The following TRIP12 variants were observed in gnomAD, a reference collection of about 807,000 sequenced individuals.
The protein encoded by TRIP12 is thyroid hormone receptor interactor 12, also known as E3 ubiquitin-protein ligase TRIP12.
In TRIP12, 25 loss-of-function variants were observed where a neutral mutation model predicts 244.2. That is an observed-to-expected ratio of 0.10 (90% confidence interval 0.07 to 0.14). The LOEUF (loss-of-function observed/expected upper bound fraction) is 0.14. TRIP12 is among the 10% of genes least tolerant of loss of function. The pLI, the probability that TRIP12 is intolerant of heterozygous loss-of-function variation, is 1.00. For missense variants in TRIP12, 1,677 were observed against 2,486.4 expected, an observed-to-expected ratio of 0.67 and a Z score of 6.92; for synonymous variants, 905 against 873.1, an observed-to-expected ratio of 1.04 and a Z score of -0.64.
chr2:229,908,605 G>A (rs1030440838), intron 1 of TRIP12, among the ~76,000 whole-genome samples: 3 of 151,914 alleles, frequency 2.0e-5, no homozygotes, highest in East Asian at 1.9e-4. Flanking sequence ...GGTGGCGGGC[G>A]CCTGTAGTCC....
At chr2:229,892,463 A>G (rs995396996) in intron 1 of TRIP12, among the ~76,000 whole-genome samples, 1 of 152,218 alleles carries the variant, frequency 6.6e-6, no homozygotes, top group African/African-American at 2.4e-5. Context: ...AAGTCATGTT[A>G]TCTTGGAAAA....
intron 1 of TRIP12, among the ~76,000 whole-genome samples, chr2:229,908,732 CA>C (rs957949918): frequency 1.6e-3 from 201 of 127,548 alleles, no homozygotes; most frequent in East Asian, 2.7e-3. Flanking sequence ...GACTCCGTCT[CA>C]AAAAAAAAAA....
chr2:229,885,589 T>C (rs536843986), intron 1 of TRIP12, among the ~76,000 whole-genome samples: 2 of 152,254 alleles, frequency 1.3e-5, no homozygotes, highest in Non-Finnish European at 2.9e-5. Flanking sequence ...GGGCAGCATA[T>C]ATTAAACCAC....
intron 8 of TRIP12, among the ~76,000 whole-genome samples, chr2:229,824,300 A>G (rs1157129760): frequency 6.6e-6 from 1 of 152,202 alleles, no homozygotes; most frequent in Non-Finnish European, 1.5e-5. Context: ...TTTTGGTAAA[A>G]ATTCAAAAGC....
intron 39 of TRIP12, among the ~76,000 whole-genome samples, chr2:229,769,763 A>G (rs578060792): frequency 3.3e-5 from 5 of 152,290 alleles, no homozygotes; most frequent in African/African-American, 1.2e-4. Flanking sequence ...GAAGTGGGAG[A>G]AGCAAGCTGA....
At chr2:229,819,642 CTT>C (rs2049483714) in intron 8 of TRIP12, among the ~76,000 whole-genome samples, 1 of 152,202 alleles carries the variant, frequency 6.6e-6, no homozygotes, top group South Asian at 2.1e-4. Context: ...TAAATTAACA[CTT>C]AACCAATCTT....
intron 4 of TRIP12, among the ~76,000 whole-genome samples, chr2:229,846,621 T>C (rs984575359): frequency 3.9e-4 from 60 of 152,102 alleles, no homozygotes; most frequent in African/African-American, 1.4e-3. Flanking sequence ...CATTAACATC[T>C]CCAAGGTATG....
chr2:229,908,138 T>C (rs2073364239), intron 1 of TRIP12, among the ~76,000 whole-genome samples: 1 of 152,196 alleles, frequency 6.6e-6, no homozygotes, highest in Non-Finnish European at 1.5e-5. Context: ...GGCCCAGCCC[T>C]GAGCCAAGGG....
At chr2:229,900,698 C>T (rs1372703832) in intron 1 of TRIP12, 1 of 151,924 alleles carries the variant, frequency 6.6e-6, no homozygotes. Flanking sequence ...CCTGTCTCTA[C>T]TAAAAATACA....
At chr2:229,918,675 G>T (rs1188765436) in intron 1 of TRIP12, among the ~76,000 whole-genome samples, 1 of 152,152 alleles carries the variant, frequency 6.6e-6, no homozygotes, top group Non-Finnish European at 1.5e-5. Context: ...AGACAAAAAT[G>T]AGACCCAAAT....
In TRIP12 at chr2:229,859,555, C is replaced by G; in HGVS notation, c.244G>C (p.Ala82Pro). The G allele has an allele frequency of 1.9e-6, 3 of 1,612,956 alleles. No individual in the cohort carries two copies. The highest frequency in any genetic ancestry group is 2.5e-6 in the Non-Finnish European group (3 of 1,179,360). The part of the protein sequence containing the change: ...LSKRSCSSSS[A>P]VIVPQPEDPD... ...TCCTCTGGTTGTGGAACTATCACAG[C>G]AGATGATGAACTGCAGCTTCTAAGA... Residue 82 changes from alanine (A) to proline (P), a missense_variant, in exon 4 of 42, where the codon GCT becomes CCT. Ala to Pro is a conservative substitution (Grantham distance 27). Transcript: ENST00000675903.
intron 2 of TRIP12, among the ~76,000 whole-genome samples, chr2:229,865,840 T>A (rs2061430990): frequency 6.6e-6 from 1 of 152,232 alleles, no homozygotes; most frequent in Non-Finnish European, 1.5e-5. Flanking sequence ...ACTGTTTTTC[T>A]ATTTCTATTA....
At chr2:229,854,074 T>C (rs1333824001) in intron 4 of TRIP12, among the ~76,000 whole-genome samples, 1 of 152,270 alleles carries the variant, frequency 6.6e-6, no homozygotes, top group South Asian at 2.1e-4. Flanking sequence ...ATTTAAGGGG[T>C]GCAAGTGCAG....
At chr2:229,851,278 A>G (rs1004955646) in intron 4 of TRIP12, among the ~76,000 whole-genome samples, 3 of 151,942 alleles carry the variant, frequency 2.0e-5, no homozygotes, top group Non-Finnish European at 4.4e-5. Flanking sequence ...ACCAATCCGC[A>G]CCCTGTGTCT....
intron 8 of TRIP12, among the ~76,000 whole-genome samples, chr2:229,821,418 C>T (rs1182878656): frequency 1.3e-5 from 2 of 152,134 alleles, no homozygotes; most frequent in South Asian, 2.1e-4. Context: ...GGCAGGAAAA[C>T]GTTCTCTTTC....
Position 229,807,690 on chromosome 2 carries a change from G to A in TRIP12, c.2496+18C>T, listed in dbSNP as rs764306666. 2 of 1,613,856 alleles carry A rather than the reference G, an allele frequency of 1.2e-6. No individual in the cohort carries two copies. The highest frequency in any genetic ancestry group is 2.2e-5 in the East Asian group (1 of 44,864). Reference sequence around the variant, plus strand: ...CCAACAAAATAGACACATTTAAACGGTACGATGAAACTACTACCTCAATGA... The same window carrying A: ...CCAACAAAATAGACACATTTAAACGATACGATGAAACTACTACCTCAATGA... On this transcript the variant is annotated intron_variant, in intron 17 of 41. Transcript: ENST00000675903.
intron 8 of TRIP12, 109 bp downstream of exon 8, chr2:229,829,084 G>A: frequency 1.1e-6 from 1 of 886,426 alleles, no homozygotes; most frequent in Non-Finnish European, 1.7e-6. Context: ...TTTTAAAAAT[G>A]GGTTAAAGTT....
chr2:229,851,985 A>G (rs112420801), intron 4 of TRIP12, among the ~76,000 whole-genome samples: 1,758 of 152,326 alleles, frequency 0.012, 15 homozygotes, highest in Non-Finnish European at 0.016. Context: ...TGCTTAACTC[A>G]TTCTTATTTC....
At chr2:229,917,738 G>A (rs976086540) in intron 1 of TRIP12, among the ~76,000 whole-genome samples, 6 of 152,176 alleles carry the variant, frequency 3.9e-5, no homozygotes, top group African/African-American at 1.4e-4. Context: ...CTTCCAAGCA[G>A]GTTGGAGTCC....
Sources: allele counts gnomAD v4.1 joint callset (sites outside exome capture counted in the v4.1 genomes callset), GRCh38; gene constraint gnomAD v4.1.1; transcripts MANE v1.5; gene names NCBI Gene and HGNC (gene_info 2026-07-23, HGNC 2026-07-21).